Variants in OFD1 observed in about 807,000 individuals in gnomAD.
OFD1 encodes centriole and centriolar satellite protein OFD1.
Under a neutral mutation model 81.4 loss-of-function variants are expected in OFD1, and 12 were observed. The observed-to-expected ratio is 0.15, with a 90% CI of 0.09 to 0.24. The LOEUF (loss-of-function observed/expected upper bound fraction) is 0.24. OFD1 is among the 10% of genes least tolerant of loss of function. The probability of loss-of-function intolerance (pLI) is 1.00; values close to 1 mark genes in which losing one functional copy is unlikely to be tolerated. For missense variants in OFD1, 685 were observed against 733.9 expected (o/e 0.93, Z 0.77); for synonymous variants, 256 against 263.7 (o/e 0.97, Z 0.28).
chrX:13,717,828 A>C, the OFD1 span, among the ~76,000 whole-genome samples: 1 of 112,367 alleles, frequency 8.9e-6, no homozygotes, highest in Non-Finnish European at 1.9e-5. Flanking sequence ...CCTAAGCAAC[A>C]GTACCTCAGA....
intron 2 of OFD1, chrX:13,736,258 A>C: frequency 1.0e-5 from 10 of 1,001,608 alleles, no homozygotes; most frequent in Non-Finnish European, 1.1e-5. Context: ...GGGGAAAGAA[A>C]GCTTTTTCTA....
At chrX:13,767,708 C>T (rs2048185814) in intron 20 of OFD1, among the ~76,000 whole-genome samples, 1 of 111,874 alleles carries the variant, frequency 8.9e-6, no homozygotes, top group African/African-American at 3.3e-5. Context: ...TCCTCTATTT[C>T]TCTTCTTGCC....
At chrX:13,739,748 C>CAAA in intron 5 of OFD1, 6 of 544,350 alleles carry the variant, frequency 1.1e-5, no homozygotes, top group Non-Finnish European at 1.3e-5. Flanking sequence ...AACTCCGTCT[C>CAAA]AAAAAAAAAA....
chrX:13,753,522 T>G (rs1349001051), intron 11 of OFD1, 81 bp downstream of exon 11: 1 of 920,169 alleles, frequency 1.1e-6, no homozygotes, highest in South Asian at 2.0e-5. Flanking sequence ...CTTTTCTATA[T>G]TCTAAAAAAT....
intron 3 of OFD1, 65 bp from the exon 4 acceptor site, chrX:13,738,781 T>C: frequency 1.5e-6 from 1 of 675,757 alleles, no homozygotes. Context: ...CAGAAACATA[T>C]CCTAATTTAT....
At chrX:13,752,994 A>G (rs1198913866) in intron 10 of OFD1, 1 of 897,846 alleles carries the variant, frequency 1.1e-6, no homozygotes, top group Non-Finnish European at 1.4e-6. Flanking sequence ...GTGGATTGGA[A>G]GTGACCGTCT....
upstream of OFD1, chrX:13,734,717 C>A: frequency 1.0e-6 from 1 of 1,002,630 alleles, no homozygotes. Context: ...CTCGGGAAGG[C>A]TATATTTAGC....
At position 13,734,966 on chromosome X, in the gene OFD1, T is replaced by C. The variant is rs1394347276; in HGVS notation, c.-106T>C. The C allele has an allele frequency of 9.6e-6, 11 of 1,148,198 alleles. No homozygotes were observed. The highest frequency in any genetic ancestry group is 1.3e-5 in the Non-Finnish European group (11 of 868,845). The allele number at this position is 1,148,198 out of a possible 1,213,427, so 94.6% of individuals were successfully genotyped here. On this transcript the variant is annotated 5_prime_UTR_variant, in exon 1 of 23. Transcript: ENST00000340096. ...AACCCTCGGGACAGAGGCAGGGTTC[T>C]GAGGGCAGGGATTCCCCCTCGTCTT...
chrX:13,758,278 T>A (rs1169691223), intron 14 of OFD1, 59 bp from the exon 15 acceptor site: 1 of 847,583 alleles, frequency 1.2e-6, no homozygotes, highest in Admixed American at 2.3e-5. Flanking sequence ...ACTTTTCCTT[T>A]TGAAGCAAGC....
At chrX:13,722,199 A>AGGC in the OFD1 span, 1 of 51,476 alleles carries the variant, frequency 1.9e-5, no homozygotes, top group East Asian at 6.0e-4. Flanking sequence ...CAGTACATTT[A>AGGC]AGCAGCAGCA....
upstream of OFD1, chrX:13,734,645 A>G (rs1569095336): frequency 7.8e-6 from 7 of 892,623 alleles, no homozygotes; most frequent in East Asian, 3.5e-4. Flanking sequence ...TGCTCTCGCG[A>G]TACGTAGGCG....
the OFD1 span, among the ~76,000 whole-genome samples, chrX:13,726,125 A>G: frequency 1.2e-4 from 13 of 112,522 alleles, no homozygotes; most frequent in African/African-American, 3.6e-4. Flanking sequence ...GACCAAATCT[A>G]CGTTTGACTG....
At chrX:13,720,120 A>T in the OFD1 span, 3 of 387,511 alleles carry the variant, frequency 7.7e-6, no homozygotes, top group East Asian at 1.3e-4. Context: ...GGCAGTTTCC[A>T]GTATACTAGC....
At chrX:13,759,518 C>T (rs1162486905) in intron 15 of OFD1, among the ~76,000 whole-genome samples, 4 of 111,819 alleles carry the variant, frequency 3.6e-5, no homozygotes, top group Non-Finnish European at 5.6e-5. Context: ...GACTTGCTAA[C>T]CGTGTGACCC....
In OFD1 at chrX:13,736,613, C is replaced by A. The variant is rs312262817; in HGVS notation, c.247C>A (p.Gln83Lys). 1.7e-6 allele frequency: 2 copies of A among 1,210,460 alleles called. No individual in the cohort carries two copies. The highest frequency in any genetic ancestry group is 2.2e-6 in the Non-Finnish European group (2 of 894,552). The change falls in exon 3 of 23, where the codon CAA becomes AAA. Residue 83 changes from glutamine (Q) to lysine (K), a missense_variant. Physicochemically the swap from Gln to Lys is moderately conservative, Grantham distance 53. This residue lies in a region of OFD1 where 414 missense variants were observed against 447.2 expected (regional missense o/e 0.93). Transcript: ENST00000340096. The stretch of plus-strand genomic sequence containing the variant: ...TAACTCTTTAGTGGCAGATCACTTA[C>A]AAAGATGTGGCTATGAATATTCACT... ...ASNSLVADHLQRCGYEYSLSV... is the reference protein window; with the variant it reads ...ASNSLVADHLKRCGYEYSLSV...
intron 19 of OFD1, 76 bp downstream of exon 19, chrX:13,763,931 C>T: frequency 1.3e-6 from 1 of 779,052 alleles, no homozygotes; most frequent in Non-Finnish European, 2.0e-6. Context: ...TGAATTATTT[C>T]ATGTATCACT....
the OFD1 span, among the ~76,000 whole-genome samples, chrX:13,725,327 T>C: frequency 3.9e-4 from 44 of 112,470 alleles, no homozygotes; most frequent in African/African-American, 1.4e-3. Context: ...TATGGCCTAA[T>C]TGGGAGACAC....
intron 3 of OFD1, among the ~76,000 whole-genome samples, chrX:13,738,268 C>T (rs2887688): frequency 0.29 from 32,041 of 111,728 alleles, 3,419 homozygotes; most frequent in South Asian, 0.47. Flanking sequence ...TACAACTTAA[C>T]GGTTTCTACT....
At chrX:13,738,589 T>C in intron 3 of OFD1, 1 of 292,220 alleles carries the variant, frequency 3.4e-6, no homozygotes, top group Non-Finnish European at 6.0e-6. Context: ...ATTAAACATT[T>C]AGGCATATCA....
Sources: gnomAD v4.1 joint callset for allele counts (sites outside exome capture counted in the v4.1 genomes callset) on GRCh38, gnomAD v4.1.1 for gene constraint, gnomAD v4.1.1 regional missense constraint, MANE v1.5 for transcripts, NCBI Gene and HGNC (gene_info 2026-07-23, HGNC 2026-07-21) for gene names.